ZFHX3: variants seen among roughly 807,000 people sequenced by gnomAD.
The protein encoded by ZFHX3 is zinc finger homeobox 3.
ZFHX3 carries 42 observed loss-of-function variants against 279.1 expected under a neutral mutation model. The observed-to-expected ratio is 0.15, with a 90% CI of 0.12 to 0.19. The LOEUF (loss-of-function observed/expected upper bound fraction) is 0.19. Ranked by LOEUF, ZFHX3 falls within the 10% of genes least tolerant of loss-of-function variation. The pLI is 1.00. For synonymous variants in ZFHX3, 2,293 were observed against 1,957.8 expected (o/e 1.17, Z -4.52); for missense variants, 4,981 against 4,754.0 (o/e 1.05, Z -1.40).
chr16:72,870,088 A>C (rs183849875), intron 4 of ZFHX3, among the ~76,000 whole-genome samples: 1 of 152,212 alleles, frequency 6.6e-6, no homozygotes, highest in East Asian at 1.9e-4. Context: ...TAAAAGGGCA[A>C]GACAGAGGAA....
At chr16:73,288,156 G>A (rs1202373323) in intron 4 of ZFHX3, among the ~76,000 whole-genome samples, 1 of 148,242 alleles carries the variant, frequency 6.7e-6, no homozygotes, top group African/African-American at 2.5e-5. Context: ...AGCCTCTCTT[G>A]CCTGTCACCC....
At chr16:73,480,257 C>G (rs2018841295) in intron 2 of ZFHX3, among the ~76,000 whole-genome samples, 1 of 151,946 alleles carries the variant, frequency 6.6e-6, no homozygotes, top group African/African-American at 2.4e-5. Flanking sequence ...TTTCATTCCA[C>G]TTTGTCAGTG....
intron 1 of ZFHX3, among the ~76,000 whole-genome samples, chr16:73,702,059 T>C (rs2380342): frequency 0.95 from 144,207 of 152,172 alleles, 68,416 homozygotes; most frequent in Non-Finnish European, 0.97. Context: ...AAATGAAATG[T>C]CTCATTTCCC....
intron 1 of ZFHX3, among the ~76,000 whole-genome samples, chr16:73,698,621 A>C (rs1272609131): frequency 6.6e-6 from 1 of 152,154 alleles, no homozygotes; most frequent in Non-Finnish European, 1.5e-5. Flanking sequence ...CCAAAATTAT[A>C]TTACCTCAAT....
intron 1 of ZFHX3, among the ~76,000 whole-genome samples, chr16:73,737,296 C>T (rs1472424694): frequency 6.6e-6 from 1 of 152,130 alleles, no homozygotes; most frequent in Non-Finnish European, 1.5e-5. Flanking sequence ...TTTGGCCTCT[C>T]AAAATGCTGG....
intron 3 of ZFHX3, among the ~76,000 whole-genome samples, chr16:73,378,362 C>T (rs2143360688): frequency 6.6e-6 from 1 of 152,220 alleles, no homozygotes; most frequent in Admixed American, 6.5e-5. Flanking sequence ...ATGATTGGCC[C>T]TTTAAGGTTT....
At chr16:73,764,872 C>G (rs1321926701) in intron 1 of ZFHX3, among the ~76,000 whole-genome samples, 1 of 152,182 alleles carries the variant, frequency 6.6e-6, no homozygotes, top group Non-Finnish European at 1.5e-5. Flanking sequence ...ACCTATGCGT[C>G]TTGGATTTGA....
chr16:73,597,536 A>C (rs2052063662), intron 2 of ZFHX3, among the ~76,000 whole-genome samples: 2 of 152,228 alleles, frequency 1.3e-5, no homozygotes, highest in Non-Finnish European at 1.5e-5. Context: ...ATATGGGATA[A>C]GGGTTGGCCC....
At chr16:73,812,109 T>A (rs1401674145) in intron 1 of ZFHX3, among the ~76,000 whole-genome samples, 1 of 152,102 alleles carries the variant, frequency 6.6e-6, no homozygotes, top group Non-Finnish European at 1.5e-5. Flanking sequence ...CTTATGGTGG[T>A]CTTTACCACC....
chr16:73,785,562 C>T (rs11150089), intron 1 of ZFHX3, among the ~76,000 whole-genome samples: 12,219 of 152,148 alleles, frequency 0.08, 1,673 homozygotes, highest in African/African-American at 0.28. Context: ...TGTTCAATCA[C>T]CTATTCCCTG....
intron 7 of ZFHX3, among the ~76,000 whole-genome samples, chr16:72,800,345 A>G (rs2036057479): frequency 6.6e-6 from 1 of 152,214 alleles, no homozygotes; most frequent in African/African-American, 2.4e-5. Context: ...TTAGCAGTGC[A>G]CACTTGAAGA....
intron 1 of ZFHX3, among the ~76,000 whole-genome samples, chr16:72,972,605 G>A (rs957242786): frequency 7.2e-5 from 11 of 152,188 alleles, no homozygotes; most frequent in Non-Finnish European, 1.5e-5. Flanking sequence ...TCTCTGAAGG[G>A]CTGGGTATCT....
chr16:73,034,023 T>C (rs1964807899), intron 1 of ZFHX3, among the ~76,000 whole-genome samples: 1 of 151,920 alleles, frequency 6.6e-6, no homozygotes, highest in Admixed American at 6.6e-5. Context: ...AGAAGAGCTG[T>C]AATGGTACCA....
At chr16:73,241,790 C>CAAAAAAAAAAAAAAAA (rs60214410) in intron 5 of ZFHX3, among the ~76,000 whole-genome samples, 10 of 51,280 alleles carry the variant, frequency 2.0e-4, no homozygotes, top group East Asian at 6.5e-4. Flanking sequence ...AACTCCGTCT[C>CAAAAAAAAAAAAAAAA]AAAAAAAAAA....
At chr16:73,244,717 C>T (rs891599131) in intron 5 of ZFHX3, among the ~76,000 whole-genome samples, 1 of 152,188 alleles carries the variant, frequency 6.6e-6, no homozygotes. Context: ...TGTTGGCACA[C>T]AGTGATGCCA....
intron 1 of ZFHX3, among the ~76,000 whole-genome samples, chr16:73,024,292 C>T (rs892716687): frequency 2.6e-5 from 4 of 152,148 alleles, no homozygotes; most frequent in Admixed American, 2.6e-4. Context: ...CCCCATCTCC[C>T]AGCTGGGGAG....
At chr16:73,434,428 G>C (rs952792320) in intron 3 of ZFHX3, among the ~76,000 whole-genome samples, 52 of 152,176 alleles carry the variant, frequency 3.4e-4, no homozygotes, top group African/African-American at 1.1e-3. Flanking sequence ...AAACAGGCTA[G>C]GGCTACCCTG....
chr16:73,035,655 G>A (rs1964871991), intron 1 of ZFHX3, among the ~76,000 whole-genome samples: 1 of 152,260 alleles, frequency 6.6e-6, no homozygotes, highest in South Asian at 2.1e-4. Context: ...GGAGGCCGAG[G>A]CAGGTGGATC....
chr16:73,718,011 G>C (rs1258223843), intron 1 of ZFHX3, among the ~76,000 whole-genome samples: 1 of 152,166 alleles, frequency 6.6e-6, no homozygotes, highest in African/African-American at 2.4e-5. Flanking sequence ...TTCCTTGAAA[G>C]GATGTTTATT....
Sources: allele counts gnomAD v4.1 joint callset (sites outside exome capture counted in the v4.1 genomes callset), GRCh38; gene constraint gnomAD v4.1.1; transcripts MANE v1.5; gene names NCBI Gene and HGNC (gene_info 2026-07-23, HGNC 2026-07-21).